ZDHHC14: variants seen among roughly 807,000 people sequenced by gnomAD.
ZDHHC14 encodes the protein palmitoyltransferase ZDHHC14.
A neutral mutation model predicts 47.7 loss-of-function variants in ZDHHC14; 16 were observed. The observed-to-expected ratio is 0.34, with a 90% CI of 0.23 to 0.51. The LOEUF (loss-of-function observed/expected upper bound fraction) is 0.51. Among genes scored for constraint, ZDHHC14 ranks in the 20% least tolerant of loss-of-function variants. ZDHHC14 has a pLI of 0.97. For synonymous variants in ZDHHC14, 293 were observed against 278.9 expected, an observed-to-expected ratio of 1.05 and a Z score of -0.50; for missense variants, 515 against 662.5, an observed-to-expected ratio of 0.78 and a Z score of 2.44.
intron 1 of ZDHHC14, among the ~76,000 whole-genome samples, chr6:157,472,393 T>G (rs1779378187): frequency 6.6e-6 from 1 of 152,084 alleles, no homozygotes; most frequent in South Asian, 2.1e-4. Context: ...GGGAGATAAA[T>G]GTTTATCCAG....
chr6:157,545,274 T>C (rs1052921280), intron 2 of ZDHHC14, among the ~76,000 whole-genome samples: 2 of 152,080 alleles, frequency 1.3e-5, no homozygotes, highest in Non-Finnish European at 2.9e-5. Flanking sequence ...AATTAAGTCG[T>C]GGTGATGGTT....
chr6:157,404,487 A>G (rs1704414396), intron 1 of ZDHHC14, among the ~76,000 whole-genome samples: 1 of 152,114 alleles, frequency 6.6e-6, no homozygotes, highest in South Asian at 2.1e-4. Flanking sequence ...ACTAATTCCT[A>G]GGGCCTTTAT....
chr6:157,403,757 TC>T (rs747178850), intron 1 of ZDHHC14, among the ~76,000 whole-genome samples: 19 of 152,382 alleles, frequency 1.2e-4, no homozygotes, highest in Non-Finnish European at 1.9e-4. Flanking sequence ...AAGTATGATC[TC>T]CTTAGCTAAT....
At chr6:157,617,841 C>A (rs780140108) in intron 3 of ZDHHC14, among the ~76,000 whole-genome samples, 4 of 152,176 alleles carry the variant, frequency 2.6e-5, no homozygotes, top group Non-Finnish European at 5.9e-5. Flanking sequence ...CTCCAAGCTG[C>A]TTTCCTCGCC....
intron 3 of ZDHHC14, among the ~76,000 whole-genome samples, chr6:157,617,266 G>T (rs1193223926): frequency 6.6e-6 from 1 of 152,214 alleles, no homozygotes; most frequent in African/African-American, 2.4e-5. Context: ...AGGGTTCCCT[G>T]AGGAAAGAAA....
At chr6:157,590,421 C>A (rs920634076) in intron 2 of ZDHHC14, among the ~76,000 whole-genome samples, 1 of 152,218 alleles carries the variant, frequency 6.6e-6, no homozygotes, top group East Asian at 1.9e-4. Flanking sequence ...CCCAGCCACT[C>A]CAGCCATGGT....
intron 2 of ZDHHC14, among the ~76,000 whole-genome samples, chr6:157,585,479 C>G (rs182768673): frequency 2.2e-4 from 33 of 151,640 alleles, no homozygotes; most frequent in African/African-American, 8.0e-4. Context: ...CTCTGCTTCT[C>G]TCTTTGTGCC....
rs1031011404 is a variant in ZDHHC14, at chr6:157,514,034, G to A, written c.246-28551G>A. 2.6e-5 allele frequency among the ~76,000 whole-genome samples: 4 copies of A among 152,064 alleles called. No individual in the cohort carries two copies. In the South Asian group the frequency reaches 8.3e-4, roughly 32 times the overall value. ...CATCCTTTCTCTCGGAGGCTGGCTG[G>A]TCCCTCCTGCCAGTCTTCCTGAATG... On this transcript the variant is annotated intron_variant, in intron 1 of 8. Transcript: ENST00000359775.
At chr6:157,585,159 A>G (rs1783643609) in intron 2 of ZDHHC14, among the ~76,000 whole-genome samples, 1 of 152,144 alleles carries the variant, frequency 6.6e-6, no homozygotes, top group African/African-American at 2.4e-5. Context: ...GTGAGCCGAG[A>G]TCGCGCCATT....
At chr6:157,652,406 G>A (rs932379828) in intron 7 of ZDHHC14, among the ~76,000 whole-genome samples, 1 of 152,144 alleles carries the variant, frequency 6.6e-6, no homozygotes, top group Admixed American at 6.5e-5. Context: ...CAGAGCACCT[G>A]GGGAAGATTC....
chr6:157,535,942 G>T (rs1781532170), intron 1 of ZDHHC14, among the ~76,000 whole-genome samples: 1 of 152,108 alleles, frequency 6.6e-6, no homozygotes, highest in Non-Finnish European at 1.5e-5. Context: ...TAAGTGAAAA[G>T]TACCTTTGTT....
In ZDHHC14 at chr6:157,542,726, C is replaced by T. The variant is rs767752816; in HGVS notation, c.387C>T (p.Ala129=). 3.0e-5 allele frequency: 49 copies of T among 1,613,924 alleles called. 1 individual carries two copies. The East Asian group carries it at 9.8e-4, about 32-fold the overall frequency. Residue 129 remains alanine (A), a synonymous_variant, in exon 2 of 9, where the codon GCC becomes GCT. Transcript: ENST00000359775. ...VLPRATPDEA[A]DLERQIDIAN... ...CACGAGCCACGCCTGATGAAGCCGC[C>T]GATCTGGAAAGGCAAATAGGTAACA... is the stretch of plus-strand genomic sequence containing the variant.
chr6:157,453,543 C>T (rs1237784726), intron 1 of ZDHHC14, among the ~76,000 whole-genome samples: 1 of 152,034 alleles, frequency 6.6e-6, no homozygotes, highest in Non-Finnish European at 1.5e-5. Context: ...CTAATCAGAC[C>T]CCTGGCTTAG....
intron 1 of ZDHHC14, among the ~76,000 whole-genome samples, chr6:157,476,205 C>T (rs989144207): frequency 6.6e-6 from 1 of 151,406 alleles, no homozygotes; most frequent in Non-Finnish European, 1.5e-5. Flanking sequence ...AGACTAAAAA[C>T]GAAAAAAGAC....
chr6:157,670,513 C>G (rs369284952), intron 8 of ZDHHC14, among the ~76,000 whole-genome samples: 1 of 152,108 alleles, frequency 6.6e-6, no homozygotes, highest in East Asian at 1.9e-4. Flanking sequence ...AAGCTGGTCT[C>G]GAACTCCTGA....
chr6:157,456,443 C>A (rs1379153315), intron 1 of ZDHHC14, among the ~76,000 whole-genome samples: 1 of 152,122 alleles, frequency 6.6e-6, no homozygotes, highest in African/African-American at 2.4e-5. Flanking sequence ...GATGTTGCCT[C>A]CCCCATGGAG....
chr6:157,443,036 G>T (rs1161629098), intron 1 of ZDHHC14, among the ~76,000 whole-genome samples: 1 of 152,134 alleles, frequency 6.6e-6, no homozygotes, highest in Non-Finnish European at 1.5e-5. Flanking sequence ...ACCTCAGATT[G>T]AATTGTAATC....
At chr6:157,511,786 C>G (rs1349382838) in intron 1 of ZDHHC14, among the ~76,000 whole-genome samples, 1 of 152,134 alleles carries the variant, frequency 6.6e-6, no homozygotes, top group East Asian at 1.9e-4. Context: ...TGCTCTATCT[C>G]TGGATTTACA....
At chr6:157,587,264 G>A (rs564882041) in intron 2 of ZDHHC14, among the ~76,000 whole-genome samples, 3 of 152,302 alleles carry the variant, frequency 2.0e-5, no homozygotes, top group Admixed American at 1.3e-4. Flanking sequence ...GCACCCAGCT[G>A]GCACCCATAG....
Sources: gnomAD v4.1 joint callset for allele counts (sites outside exome capture counted in the v4.1 genomes callset) on GRCh38, gnomAD v4.1.1 for gene constraint, MANE v1.5 for transcripts, NCBI Gene and HGNC (gene_info 2026-07-23, HGNC 2026-07-21) for gene names.